Variants in PEPD observed in about 807,000 individuals in gnomAD.
The protein encoded by PEPD is peptidase D.
A neutral mutation model predicts 60.7 loss-of-function variants in PEPD; 53 were observed. The ratio of observed to expected loss-of-function variants is 0.87; its 90% CI spans 0.70 to 1.10. The LOEUF is 1.10. Among genes scored for constraint, PEPD ranks in the 50% least tolerant of loss-of-function variants. PEPD has a pLI of 0.00. For missense variants in PEPD, 711 were observed against 711.9 expected (o/e 1.00, Z 0.01); for synonymous variants, 267 against 284.1 (o/e 0.94, Z 0.60).
intron 9 of PEPD, among the ~76,000 whole-genome samples, chr19:33,442,542 T>TAC (rs199808014): frequency 8.2e-4 from 80 of 97,208 alleles, no homozygotes; most frequent in South Asian, 1.1e-3. Context: ...CTACTAAAAA[T>TAC]AAAATAAAAA....
chr19:33,489,486 G>A (rs577176071), intron 6 of PEPD, among the ~76,000 whole-genome samples: 6 of 152,258 alleles, frequency 3.9e-5, no homozygotes, highest in South Asian at 4.2e-4. Context: ...AAAATTAGCC[G>A]GGTGTAGTGG....
At chr19:33,480,772 C>T (rs1056396054) in intron 6 of PEPD, among the ~76,000 whole-genome samples, 9 of 151,428 alleles carry the variant, frequency 5.9e-5, no homozygotes, top group African/African-American at 1.2e-4. Flanking sequence ...TCCAGCCTGG[C>T]GACACAGCAA....
chr19:33,458,034 C>G (rs1969840455), intron 9 of PEPD, among the ~76,000 whole-genome samples: 1 of 151,968 alleles, frequency 6.6e-6, no homozygotes, highest in Non-Finnish European at 1.5e-5. Context: ...GTGGTACATA[C>G]CGTGTATGTG....
intron 2 of PEPD, among the ~76,000 whole-genome samples, chr19:33,512,193 G>A (rs1382584783): frequency 6.6e-6 from 1 of 152,184 alleles, no homozygotes; most frequent in East Asian, 1.9e-4. Context: ...TCTAATCCCA[G>A]CTCCACCTCT....
At chr19:33,438,844 T>C (rs1969429518) in intron 9 of PEPD, among the ~76,000 whole-genome samples, 1 of 152,206 alleles carries the variant, frequency 6.6e-6, no homozygotes, top group African/African-American at 2.4e-5. Context: ...CTCAGCCTCC[T>C]GAGTAGCTGG....
At position 33,388,426 on chromosome 19, in the gene PEPD, C is replaced by T. The variant is rs1296047580; in HGVS notation, c.1153-345G>A. On this transcript the variant is annotated intron_variant, in intron 13 of 14. Coordinates refer to ENST00000244137, the MANE Select transcript of PEPD (RefSeq NM_000285.4). ...GCCCTTAGCCAGGCCCCGCTGCTGG[C>T]CAGAGGAGTGGCAGATGCCAAACCA... 58 of 493,308 alleles carry T rather than the reference C, an allele frequency of 1.2e-4. No homozygotes were observed. The East Asian group carries it at 2.0e-3, about 17-fold the overall frequency. The allele number at this position is 493,308 out of a possible 1,614,324, so 30.6% of individuals were successfully genotyped here.
chr19:33,408,719 C>T (rs1346605607), intron 11 of PEPD, among the ~76,000 whole-genome samples: 2 of 152,182 alleles, frequency 1.3e-5, no homozygotes, highest in African/African-American at 2.4e-5. Context: ...CTCTGGGAGG[C>T]GCTCGGCTTC....
rs570703016 is a variant in PEPD at position 33,394,316 on chromosome 19, G to A, written c.968-2837C>T. On this transcript the variant is annotated intron_variant, in intron 12 of 14. Coordinates refer to ENST00000244137, the MANE Select transcript of PEPD (RefSeq NM_000285.4). ...GGGCTACGTTCTTGGCCCAGCCTCC[G>A]CAGAGGGCGGGAATCAGGTATAAAT... is the stretch of plus-strand genomic sequence containing the variant. Among the ~76,000 whole-genome samples, 57 of 152,376 alleles carry A rather than the reference G, an allele frequency of 3.7e-4. No individual in the cohort carries two copies. In the South Asian group the frequency reaches 3.9e-3, roughly 11 times the overall value.
chr19:33,431,992 C>CAAAA (rs906879187), intron 9 of PEPD, among the ~76,000 whole-genome samples: 7 of 77,866 alleles, frequency 9.0e-5, no homozygotes, highest in Admixed American at 2.6e-4. Context: ...GACACCACCT[C>CAAAA]AAAAAAAAAA....
intron 9 of PEPD, among the ~76,000 whole-genome samples, chr19:33,452,363 AAAAT>A (rs1969714265): frequency 6.6e-6 from 1 of 152,242 alleles, no homozygotes; most frequent in Admixed American, 6.5e-5. Flanking sequence ...GAAAAAATAA[AAAAT>A]AAACTAAGAT....
chr19:33,495,178 C>T (rs999179586), intron 4 of PEPD, among the ~76,000 whole-genome samples: 3 of 152,070 alleles, frequency 2.0e-5, no homozygotes, highest in African/African-American at 7.2e-5. Context: ...ATAAATAACG[C>T]TGTGATGAAC....
intron 12 of PEPD, among the ~76,000 whole-genome samples, chr19:33,399,391 T>C (rs1016886964): frequency 1.3e-5 from 2 of 152,222 alleles, no homozygotes; most frequent in African/African-American, 2.4e-5. Context: ...TTATTGACTT[T>C]TGGATTTTCT....
chr19:33,394,396 G>C (rs571991372), intron 12 of PEPD, among the ~76,000 whole-genome samples: 1 of 152,242 alleles, frequency 6.6e-6, no homozygotes, highest in East Asian at 1.9e-4. Context: ...CAGATGTGCC[G>C]GCCCGGGGGT....
chr19:33,440,361 G>A (rs1969459532), intron 9 of PEPD, among the ~76,000 whole-genome samples: 1 of 152,092 alleles, frequency 6.6e-6, no homozygotes. Flanking sequence ...CCCAGGGCCT[G>A]CCTGCTCCTT....
At chr19:33,391,868 C>G (rs1190956300) in intron 12 of PEPD, among the ~76,000 whole-genome samples, 2 of 152,204 alleles carry the variant, frequency 1.3e-5, no homozygotes, top group African/African-American at 4.8e-5. Context: ...ATGCACGTCT[C>G]CCCAGTAGCA....
chr19:33,419,993 T>C (rs1968978517), intron 9 of PEPD, among the ~76,000 whole-genome samples: 1 of 152,246 alleles, frequency 6.6e-6, no homozygotes, highest in Non-Finnish European at 1.5e-5. Context: ...ACTCTCTCTC[T>C]GAGAGCTGCC....
chr19:33,490,810 C>T (rs988009895), intron 5 of PEPD, among the ~76,000 whole-genome samples: 28 of 152,050 alleles, frequency 1.8e-4, no homozygotes, highest in Admixed American at 1.7e-3. Context: ...ATTACAGGTG[C>T]GCACCACCAT....
At chr19:33,419,445 G>C (rs1968963185) in intron 9 of PEPD, among the ~76,000 whole-genome samples, 2 of 152,222 alleles carry the variant, frequency 1.3e-5, no homozygotes, top group South Asian at 4.1e-4. Context: ...CCCTTTGGGG[G>C]CTGAGGGATC....
chr19:33,496,113 C>G (rs763671129), intron 4 of PEPD, among the ~76,000 whole-genome samples: 1 of 152,082 alleles, frequency 6.6e-6, no homozygotes, highest in Non-Finnish European at 1.5e-5. Context: ...TGTGTTGTTA[C>G]GTTGATGTGA....
Sources: allele counts gnomAD v4.1 joint callset (sites outside exome capture counted in the v4.1 genomes callset), GRCh38; gene constraint gnomAD v4.1.1; transcripts MANE v1.5; gene names NCBI Gene and HGNC (gene_info 2026-07-23, HGNC 2026-07-21).